CDH13: variants seen among roughly 807,000 people sequenced by gnomAD.
CDH13 encodes the protein cadherin-13.
A neutral mutation model predicts 63.8 loss-of-function variants in CDH13; 24 were observed. The observed-to-expected ratio is 0.38, with a 90% confidence interval of 0.27 to 0.53. The LOEUF (loss-of-function observed/expected upper bound fraction) is 0.53, where lower values mean the gene tolerates loss of function less well. CDH13 is among the 20% of genes least tolerant of loss of function. The pLI is 0.85. For synonymous variants in CDH13, 503 were observed against 355.3 expected (o/e 1.42, Z -4.67); for missense variants, 1,049 against 903.1 (o/e 1.16, Z -2.07).
intron 1 of CDH13, among the ~76,000 whole-genome samples, chr16:82,850,986 G>A (rs756093023): frequency 2.3e-4 from 35 of 152,166 alleles, no homozygotes; most frequent in Non-Finnish European, 2.9e-5. Context: ...TCACTTTATT[G>A]TAATATTTGT....
intron 1 of CDH13, among the ~76,000 whole-genome samples, chr16:82,700,775 C>G (rs1193083216): frequency 6.6e-6 from 1 of 152,138 alleles, no homozygotes; most frequent in Non-Finnish European, 1.5e-5. Context: ...TGACAGGATG[C>G]ATTTTAATTG....
intron 2 of CDH13, among the ~76,000 whole-genome samples, chr16:83,029,420 G>A (rs1046052086): frequency 1.3e-5 from 2 of 152,148 alleles, no homozygotes; most frequent in Non-Finnish European, 2.9e-5. Context: ...TACCAGTCGA[G>A]AGTAGGATAG....
intron 5 of CDH13, among the ~76,000 whole-genome samples, chr16:83,319,285 T>G (rs2090171102): frequency 6.6e-6 from 1 of 152,224 alleles, no homozygotes; most frequent in South Asian, 2.1e-4. Context: ...ATTTGACCTC[T>G]AGGATTCTCT....
intron 10 of CDH13, among the ~76,000 whole-genome samples, chr16:83,699,089 G>C (rs1905824072): frequency 1.3e-5 from 2 of 152,226 alleles, no homozygotes; most frequent in Admixed American, 1.3e-4. Flanking sequence ...ATCTTGTGTA[G>C]TGCCTGCCCC....
At chr16:82,883,045 C>T (rs901475238) in intron 2 of CDH13, among the ~76,000 whole-genome samples, 1 of 152,144 alleles carries the variant, frequency 6.6e-6, no homozygotes, top group African/African-American at 2.4e-5. Context: ...GTTTTATTAT[C>T]ACCTTCTAAG....
rs146257700 is a variant in CDH13, at chr16:82,886,063, C to A, written c.157+27590C>A. 3.6e-4 allele frequency among the ~76,000 whole-genome samples: 55 copies of A among 152,226 alleles called. 2 individuals carry two copies. The highest frequency in any genetic ancestry group is 1.2e-3 in the African/African-American group (51 of 41,534). On this transcript the variant is annotated intron_variant, in intron 2 of 13. Transcript: ENST00000567109. ...TTATAAATGCAGTCATAAATATACA[C>A]ATGTATATTTCATTTATGTTACTGA...
At chr16:83,227,015 C>T (rs1025729344) in intron 5 of CDH13, among the ~76,000 whole-genome samples, 4 of 152,210 alleles carry the variant, frequency 2.6e-5, no homozygotes, top group Admixed American at 1.3e-4. Flanking sequence ...AGAGGGGATA[C>T]GGACAGGTTG....
intron 1 of CDH13, among the ~76,000 whole-genome samples, chr16:82,708,057 G>A (rs2031631438): frequency 6.6e-6 from 1 of 152,166 alleles, no homozygotes; most frequent in Non-Finnish European, 1.5e-5. Flanking sequence ...GTCACCTTGG[G>A]CATGGTCCTT....
chr16:82,991,224 T>C (rs1911615720), intron 2 of CDH13, among the ~76,000 whole-genome samples: 1 of 152,240 alleles, frequency 6.6e-6, no homozygotes. Flanking sequence ...TAATGACACA[T>C]TCAACTGAAA....
chr16:82,877,189 A>C (rs1193868783), intron 2 of CDH13, among the ~76,000 whole-genome samples: 1 of 152,234 alleles, frequency 6.6e-6, no homozygotes, highest in Non-Finnish European at 1.5e-5. Flanking sequence ...GGTATTGGGT[A>C]AATTCATGAC....
In CDH13 at chr16:83,271,905, T is replaced by A. The variant is rs558950138; in HGVS notation, c.636+54408T>A. Among the ~76,000 whole-genome samples the A allele has an allele frequency of 4.6e-5, 7 of 152,332 alleles. No individual in the cohort carries two copies. In the East Asian group the frequency reaches 1.4e-3, roughly 29 times the overall value. On this transcript the variant is annotated intron_variant, in intron 5 of 13. Transcript: ENST00000567109. ...TTAGCTGGATTAATCTCTTCAAACC[T>A]AAGTGATCCATATGAAGATCTTGTC...
chr16:82,966,427 G>C (rs1451621148), intron 2 of CDH13, among the ~76,000 whole-genome samples: 1 of 152,222 alleles, frequency 6.6e-6, no homozygotes, highest in African/African-American at 2.4e-5. Context: ...GATTACAGGC[G>C]TGAGCCAGCG....
At chr16:83,594,016 A>C (rs77945590) in intron 7 of CDH13, among the ~76,000 whole-genome samples, 15,816 of 152,216 alleles carry the variant, frequency 0.1, 1,066 homozygotes, top group Middle Eastern at 0.19. Context: ...TTTCTTAGCT[A>C]TACTCTGTGC....
At chr16:83,480,517 A>G (rs1027845705) in intron 6 of CDH13, among the ~76,000 whole-genome samples, 2 of 152,162 alleles carry the variant, frequency 1.3e-5, no homozygotes, top group African/African-American at 4.8e-5. Context: ...GTCAGGAAAC[A>G]ATTTTAGATT....
intron 2 of CDH13, among the ~76,000 whole-genome samples, chr16:82,897,460 A>C (rs573478285): frequency 6.6e-6 from 1 of 152,194 alleles, no homozygotes; most frequent in Non-Finnish European, 1.5e-5. Flanking sequence ...TTTCTGCCTC[A>C]CTTTTGGCTC....
At chr16:83,197,079 A>G (rs2038898145) in intron 4 of CDH13, among the ~76,000 whole-genome samples, 1 of 152,214 alleles carries the variant, frequency 6.6e-6, no homozygotes. Flanking sequence ...ACTGTGGTTT[A>G]TTCATATCAT....
intron 1 of CDH13, among the ~76,000 whole-genome samples, chr16:82,853,399 A>G (rs1342700824): frequency 6.6e-6 from 1 of 152,272 alleles, no homozygotes; most frequent in Non-Finnish European, 1.5e-5. Flanking sequence ...GGATTTAAAT[A>G]TAATACATAG....
intron 3 of CDH13, among the ~76,000 whole-genome samples, chr16:83,089,297 T>G (rs1343821212): frequency 6.6e-6 from 1 of 152,242 alleles, no homozygotes; most frequent in Non-Finnish European, 1.5e-5. Context: ...TCATAAATTT[T>G]ACTTTATAAA....
At chr16:83,006,899 ATT>A (rs796613754) in intron 2 of CDH13, among the ~76,000 whole-genome samples, 15,879 of 120,762 alleles carry the variant, frequency 0.13, 1,279 homozygotes, top group East Asian at 0.3. Flanking sequence ...CCCAGTTTTG[ATT>A]TTTTTTGTTT....
Sources: gnomAD v4.1 joint callset for allele counts (sites outside exome capture counted in the v4.1 genomes callset) on GRCh38, gnomAD v4.1.1 for gene constraint, MANE v1.5 for transcripts, NCBI Gene and HGNC (gene_info 2026-07-23, HGNC 2026-07-21) for gene names.